ABTB2: variants seen among roughly 807,000 people sequenced by gnomAD.
ABTB2 encodes the protein ankyrin repeat and BTB/POZ domain-containing protein 2.
ABTB2 carries 56 observed loss-of-function variants against 104.1 expected under a neutral mutation model. That is an observed-to-expected ratio of 0.54 (90% CI 0.43 to 0.67). The LOEUF (loss-of-function observed/expected upper bound fraction) is 0.67, where lower values mean the gene tolerates loss of function less well. Among genes scored for constraint, ABTB2 ranks in the 30% least tolerant of loss-of-function variants. The pLI is 0.00. For missense variants in ABTB2, 1,279 were observed against 1,407.7 expected (o/e 0.91, Z 1.46); for synonymous variants, 606 against 608.2 (o/e 1.00, Z 0.05).
chr11:34,183,328 GGA>G (rs1853052066), intron 3 of ABTB2, among the ~76,000 whole-genome samples: 1 of 152,148 alleles, frequency 6.6e-6, no homozygotes, highest in African/African-American at 2.4e-5. Flanking sequence ...TTGAACCCCT[GGA>G]CTCAAGCCAA....
chr11:34,212,118 G>A (rs187448745), intron 1 of ABTB2, among the ~76,000 whole-genome samples: 26 of 151,402 alleles, frequency 1.7e-4, no homozygotes, highest in Non-Finnish European at 3.1e-4. Context: ...GTGCAGTGGC[G>A]CAATCTCAGC....
chr11:34,155,973 A>G (rs1160135351), intron 14 of ABTB2, among the ~76,000 whole-genome samples: 2 of 152,352 alleles, frequency 1.3e-5, no homozygotes, highest in East Asian at 3.9e-4. Flanking sequence ...AGTGCCTGGA[A>G]TGCCCCTCAT....
At chr11:34,281,001 G>A (rs1554922083) in intron 1 of ABTB2, among the ~76,000 whole-genome samples, 1 of 152,184 alleles carries the variant, frequency 6.6e-6, no homozygotes, top group Non-Finnish European at 1.5e-5. Flanking sequence ...TTTCAAGCTA[G>A]GAGGAGGTGG....
At chr11:34,197,958 A>G (rs866446255) in intron 2 of ABTB2, among the ~76,000 whole-genome samples, 1 of 152,138 alleles carries the variant, frequency 6.6e-6, no homozygotes, top group Non-Finnish European at 1.5e-5. Flanking sequence ...ACAAAACCCA[A>G]AGTATTTCAG....
rs538064825 is a variant in ABTB2, at chr11:34,342,239, C to T, written c.883+14462G>A. On this transcript the variant is annotated intron_variant, in intron 1 of 16. Transcript: ENST00000435224. Reference sequence around the variant, plus strand: ...CTTCATACGGTATTATCTTTAAACACGCAGAGAAACAAATACCTACCCCAC... The same window carrying T: ...CTTCATACGGTATTATCTTTAAACATGCAGAGAAACAAATACCTACCCCAC... Among the ~76,000 whole-genome samples the T allele has an allele frequency of 3.6e-4, 55 of 152,326 alleles. 1 individual carries two copies. In the South Asian group the frequency reaches 8.9e-3, roughly 25 times the overall value.
At chr11:34,176,312 A>G (rs1160714440) in intron 3 of ABTB2, among the ~76,000 whole-genome samples, 1 of 151,886 alleles carries the variant, frequency 6.6e-6, no homozygotes, top group Non-Finnish European at 1.5e-5. Context: ...AGAGAAAGAA[A>G]TATCTTCCTG....
chr11:34,168,022 G>A (rs1323963565), intron 5 of ABTB2, 30 bp from the exon 6 acceptor site: 9 of 1,604,352 alleles, frequency 5.6e-6, no homozygotes, highest in Non-Finnish European at 7.7e-6. Flanking sequence ...GTGCTAAACT[G>A]TTTGCAAACA....
intron 1 of ABTB2, among the ~76,000 whole-genome samples, chr11:34,330,910 T>G (rs2133116722): frequency 6.6e-6 from 1 of 152,342 alleles, no homozygotes; most frequent in Non-Finnish European, 1.5e-5. Flanking sequence ...ACAGGTAAGA[T>G]CCCCTTCCTG....
intron 1 of ABTB2, among the ~76,000 whole-genome samples, chr11:34,211,902 CAA>C (rs1231324201): frequency 0.034 from 1,976 of 57,932 alleles, 27 homozygotes; most frequent in African/African-American, 0.12. Flanking sequence ...GACCCTGTCT[CAA>C]AAAAAAAAAA....
chr11:34,327,723 T>G (rs560640491), intron 1 of ABTB2, among the ~76,000 whole-genome samples: 2 of 152,314 alleles, frequency 1.3e-5, no homozygotes, highest in Non-Finnish European at 2.9e-5. Context: ...ATTTCCACTC[T>G]TCCCCCTCTC....
At chr11:34,216,985 T>C (rs1386519199) in intron 1 of ABTB2, among the ~76,000 whole-genome samples, 1 of 152,226 alleles carries the variant, frequency 6.6e-6, no homozygotes, top group African/African-American at 2.4e-5. Flanking sequence ...AATGACCTGA[T>C]AACCTGGAAG....
intron 1 of ABTB2, among the ~76,000 whole-genome samples, chr11:34,227,464 T>C (rs167054): frequency 0.65 from 99,469 of 151,970 alleles, 32,707 homozygotes; most frequent in African/African-American, 0.67. Context: ...GCTTCTTTTA[T>C]GTGGCATAAT....
chr11:34,264,275 G>A (rs1021142798), intron 1 of ABTB2, among the ~76,000 whole-genome samples: 13 of 152,180 alleles, frequency 8.5e-5, no homozygotes, highest in African/African-American at 3.1e-4. Context: ...TTCTTCCTCT[G>A]TGAGATGGGC....
intron 1 of ABTB2, among the ~76,000 whole-genome samples, chr11:34,291,357 G>A (rs1018360153): frequency 6.6e-6 from 1 of 152,172 alleles, no homozygotes; most frequent in African/African-American, 2.4e-5. Flanking sequence ...GAAAGCTGAA[G>A]ACCCCTCCAT....
rs150560152 is a variant in ABTB2, at chr11:34,254,723, G to A, written c.884-50033C>T. Among the ~76,000 whole-genome samples, 414 of 149,096 alleles carry A rather than the reference G, an allele frequency of 2.8e-3. 5 individuals carry two copies. Among genetic ancestry groups the A allele is most frequent in the African/African-American group, 9.6e-3 (389 of 40,354 alleles). On this transcript the variant is annotated intron_variant, in intron 1 of 16. Transcript: ENST00000435224. ...GTCTTGCTCTATCGCCCAGGCTGGA[G>A]TGCAGTGGTATGATCTCGGCTCACT...
At chr11:34,188,003 C>T (rs1034493599) in intron 3 of ABTB2, among the ~76,000 whole-genome samples, 1 of 152,218 alleles carries the variant, frequency 6.6e-6, no homozygotes, top group Non-Finnish European at 1.5e-5. Flanking sequence ...AGTGATTATT[C>T]TGATAATAGC....
At chr11:34,178,124 A>G (rs1685381402) in intron 3 of ABTB2, among the ~76,000 whole-genome samples, 2 of 152,222 alleles carry the variant, frequency 1.3e-5, no homozygotes, top group South Asian at 4.1e-4. Flanking sequence ...TACTTTCAAT[A>G]TACAGAAATC....
At chr11:34,336,460 G>A (rs1855193919) in intron 1 of ABTB2, among the ~76,000 whole-genome samples, 1 of 152,068 alleles carries the variant, frequency 6.6e-6, no homozygotes, top group South Asian at 2.1e-4. Flanking sequence ...GGCCAACATA[G>A]TGAGATCTTA....
chr11:34,331,389 A>G (rs1045743500), intron 1 of ABTB2, among the ~76,000 whole-genome samples: 2 of 152,210 alleles, frequency 1.3e-5, no homozygotes, highest in Admixed American at 6.5e-5. Context: ...TGAGGTTGCA[A>G]TACTCCTTCA....
Sources: allele counts gnomAD v4.1 joint callset (sites outside exome capture counted in the v4.1 genomes callset), GRCh38; gene constraint gnomAD v4.1.1; transcripts MANE v1.5; gene names NCBI Gene and HGNC (gene_info 2026-07-23, HGNC 2026-07-21).